The following CPEB1 variants were observed in gnomAD, a reference collection of about 807,000 sequenced individuals.
CPEB1 encodes cytoplasmic polyadenylation element-binding protein 1.
CPEB1 carries 7 observed loss-of-function variants against 65.8 expected under a neutral mutation model. The ratio of observed to expected loss-of-function variants is 0.11; its 90% CI spans 0.06 to 0.20. The LOEUF (loss-of-function observed/expected upper bound fraction) is 0.20, where lower values mean the gene tolerates loss of function less well. CPEB1 is among the 10% of genes least tolerant of loss of function. The pLI, the probability that CPEB1 is intolerant of heterozygous loss-of-function variation, is 1.00. For missense variants in CPEB1, 551 were observed against 712.2 expected, an observed-to-expected ratio of 0.77 and a Z score of 2.58; for synonymous variants, 262 against 260.0, an observed-to-expected ratio of 1.01 and a Z score of -0.08.
chr15:82,647,976 C>G (rs1371711865), upstream of CPEB1: 1 of 895,912 alleles, frequency 1.1e-6, no homozygotes, highest in Non-Finnish European at 1.5e-6. Flanking sequence ...CGCGCAGCCC[C>G]GCACCCCGGC....
intron 3 of CPEB1, among the ~76,000 whole-genome samples, chr15:82,609,060 C>G (rs551419118): frequency 6.6e-6 from 1 of 152,070 alleles, no homozygotes; most frequent in South Asian, 2.1e-4. Context: ...ATTCTCAAAA[C>G]GTGGAAATTA....
At chr15:82,563,840 T>C (rs893274746) in intron 4 of CPEB1, among the ~76,000 whole-genome samples, 1 of 152,118 alleles carries the variant, frequency 6.6e-6, no homozygotes, top group Non-Finnish European at 1.5e-5. Context: ...TTTTTTTTAA[T>C]GACAGGAAGA....
intron 10 of CPEB1, among the ~76,000 whole-genome samples, chr15:82,547,596 A>AT (rs2035485625): frequency 6.6e-6 from 1 of 151,572 alleles, no homozygotes; most frequent in East Asian, 2.0e-4. Context: ...GCCTGCCCTA[A>AT]TGCTACTCTT....
At chr15:82,632,854 G>A (rs2046376757) in intron 1 of CPEB1, among the ~76,000 whole-genome samples, 1 of 151,966 alleles carries the variant, frequency 6.6e-6, no homozygotes, top group Non-Finnish European at 1.5e-5. Context: ...AAACCGTCCA[G>A]TTATATGAAT....
chr15:82,605,562 AAT>A (rs755832908), intron 3 of CPEB1, among the ~76,000 whole-genome samples: 1 of 152,154 alleles, frequency 6.6e-6, no homozygotes, highest in Non-Finnish European at 1.5e-5. Flanking sequence ...TCACCACAAA[AAT>A]ATAAGTATGT....
chr15:82,580,722 T>C (rs1016199083), intron 3 of CPEB1, among the ~76,000 whole-genome samples: 1 of 152,220 alleles, frequency 6.6e-6, no homozygotes, highest in African/African-American at 2.4e-5. Flanking sequence ...TTACTTTGTC[T>C]CTATGAATTT....
intron 3 of CPEB1, among the ~76,000 whole-genome samples, chr15:82,623,241 T>C (rs957379840): frequency 6.6e-6 from 1 of 152,246 alleles, no homozygotes; most frequent in Non-Finnish European, 1.5e-5. Flanking sequence ...CCTGACCCTA[T>C]CACAGCACTT....
chr15:82,645,314 G>A (rs587630474), intron 1 of CPEB1, among the ~76,000 whole-genome samples: 1 of 152,086 alleles, frequency 6.6e-6, no homozygotes, highest in East Asian at 1.9e-4. Context: ...CACCATGCCC[G>A]GCTAATTTTT....
At chr15:82,642,473 G>A (rs888064731) in intron 1 of CPEB1, among the ~76,000 whole-genome samples, 2 of 152,172 alleles carry the variant, frequency 1.3e-5, no homozygotes, top group African/African-American at 4.8e-5. Context: ...CTTAAGCCAG[G>A]GAGCTTTGAG....
At chr15:82,623,184 G>T (rs529390004) in intron 3 of CPEB1, among the ~76,000 whole-genome samples, 1 of 152,312 alleles carries the variant, frequency 6.6e-6, no homozygotes, top group African/African-American at 2.4e-5. Context: ...TTCAAATGCT[G>T]CTTTAACCAG....
At chr15:82,629,360 C>A in intron 1 of CPEB1, 1 of 985,080 alleles carries the variant, frequency 1.0e-6, no homozygotes, top group South Asian at 4.7e-5. Context: ...TTAAGTTATA[C>A]AACTCTATGT....
chr15:82,547,537 G>A (rs988526823), intron 10 of CPEB1, among the ~76,000 whole-genome samples: 10 of 151,566 alleles, frequency 6.6e-5, no homozygotes, highest in African/African-American at 1.7e-4. Flanking sequence ...CTTGTGACCC[G>A]CCCGCCTCAG....
intron 5 of CPEB1, chr15:82,557,506 G>C: frequency 2.3e-6 from 1 of 443,436 alleles, no homozygotes; most frequent in Non-Finnish European, 4.0e-6. Flanking sequence ...CAGTACTCTT[G>C]GAGTAGCTAG....
intron 3 of CPEB1, among the ~76,000 whole-genome samples, chr15:82,588,897 T>C (rs2042008931): frequency 6.6e-6 from 1 of 152,238 alleles, no homozygotes; most frequent in African/African-American, 2.4e-5. Flanking sequence ...GTCTACCATA[T>C]GTTCTTAAGA....
At chr15:82,551,346 T>C (rs763308594) in intron 9 of CPEB1, among the ~76,000 whole-genome samples, 32 of 152,182 alleles carry the variant, frequency 2.1e-4, no homozygotes, top group Non-Finnish European at 3.7e-4. Context: ...GCCCCCACAC[T>C]TGCGTGACTT....
At chr15:82,601,678 T>A (rs1033476185) in intron 3 of CPEB1, among the ~76,000 whole-genome samples, 1 of 152,122 alleles carries the variant, frequency 6.6e-6, no homozygotes, top group African/African-American at 2.4e-5. Context: ...GATTGACAGG[T>A]TGAAAAACAT....
chr15:82,587,209 T>C (rs2041873179), intron 3 of CPEB1, among the ~76,000 whole-genome samples: 1 of 152,228 alleles, frequency 6.6e-6, no homozygotes, highest in African/African-American at 2.4e-5. Flanking sequence ...TCTATGTATA[T>C]GGTGAGACAG....
intron 3 of CPEB1, among the ~76,000 whole-genome samples, chr15:82,617,723 A>AG (rs1385650481): frequency 1.5e-5 from 2 of 133,170 alleles, no homozygotes; most frequent in East Asian, 2.3e-4. Context: ...ATTCTATTAA[A>AG]GTTTTTTTTT....
At chr15:82,642,630 CAA>C (rs2047201756) in intron 1 of CPEB1, among the ~76,000 whole-genome samples, 1 of 152,154 alleles carries the variant, frequency 6.6e-6, no homozygotes, top group Admixed American at 6.5e-5. Flanking sequence ...TTAATTCAAA[CAA>C]GAGAAGCAAA....
Sources: gnomAD v4.1 joint callset for allele counts (sites outside exome capture counted in the v4.1 genomes callset) on GRCh38, gnomAD v4.1.1 for gene constraint, MANE v1.5 for transcripts, NCBI Gene and HGNC (gene_info 2026-07-23, HGNC 2026-07-21) for gene names.